The following CHID1 variants were observed in gnomAD, a reference collection of about 807,000 sequenced individuals.
CHID1 encodes chitinase domain containing 1, also known as chitinase domain-containing protein 1.
A neutral mutation model predicts 55.4 loss-of-function variants in CHID1; 44 were observed. The ratio of observed to expected loss-of-function variants is 0.79; its 90% CI spans 0.62 to 1.02. The LOEUF is 1.02. CHID1 is among the 50% of genes least tolerant of loss of function. The pLI is 0.00. For synonymous variants in CHID1, 216 were observed against 212.9 expected, an observed-to-expected ratio of 1.01 and a Z score of -0.13; for missense variants, 491 against 515.3, an observed-to-expected ratio of 0.95 and a Z score of 0.46.
intron 8 of CHID1, among the ~76,000 whole-genome samples, chr11:890,928 G>C (rs1029192988): frequency 6.6e-6 from 1 of 152,154 alleles, no homozygotes; most frequent in African/African-American, 2.4e-5. Flanking sequence ...TCTCTCCAGG[G>C]GCCATTGTTC....
At chr11:888,851 C>G (rs921207198) in intron 8 of CHID1, among the ~76,000 whole-genome samples, 1 of 151,886 alleles carries the variant, frequency 6.6e-6, no homozygotes, top group African/African-American at 2.4e-5. Context: ...CCTGCCCACT[C>G]GGCCTCGACT....
chr11:871,622 C>A (rs1648121164), intron 10 of CHID1, among the ~76,000 whole-genome samples: 1 of 16,746 alleles, frequency 6.0e-5, no homozygotes, highest in African/African-American at 2.0e-4. Flanking sequence ...AGGACAGTGC[C>A]CCCCACGTGC....
chr11:888,289 G>A (rs1427053265), intron 8 of CHID1, among the ~76,000 whole-genome samples: 1 of 152,182 alleles, frequency 6.6e-6, no homozygotes, highest in African/African-American at 2.4e-5. Flanking sequence ...GTGGGAGAAA[G>A]AGGGGAGGGC....
intron 2 of CHID1, 104 bp downstream of exon 2, chr11:904,602 C>A (rs939251957): frequency 7.2e-6 from 10 of 1,380,798 alleles, no homozygotes; most frequent in Non-Finnish European, 1.0e-5. Flanking sequence ...AGGAGCCAAG[C>A]CCCTCGAGCC....
At chr11:870,342 C>T (rs1849085356) in intron 11 of CHID1, 77 bp downstream of exon 11, 3 of 1,378,358 alleles carry the variant, frequency 2.2e-6, no homozygotes, top group African/African-American at 1.4e-5. Context: ...CTGGGCCCTG[C>T]TGCTCCCTCA....
chr11:910,611 C>A, intron 1 of CHID1, 164 bp downstream of exon 1: 1 of 1,251,940 alleles, frequency 8.0e-7, no homozygotes. Context: ...TCTCACACGC[C>A]CCCTCACACA....
chr11:881,788 G>A (rs1466842423), intron 10 of CHID1, among the ~76,000 whole-genome samples: 1 of 150,718 alleles, frequency 6.6e-6, no homozygotes, highest in Non-Finnish European at 1.5e-5. Flanking sequence ...GATCGCTTGA[G>A]CCTAGGAATT....
chr11:870,071 T>C, intron 12 of CHID1, 50 bp downstream of exon 12: 1 of 1,611,398 alleles, frequency 6.2e-7, no homozygotes, highest in Admixed American at 1.7e-5. Flanking sequence ...CCTGCTGTGC[T>C]GTCGCATGGC....
chr11:884,006 CCA>C (rs1850200310), intron 9 of CHID1, 60 bp downstream of exon 9: 13 of 1,325,056 alleles, frequency 9.8e-6, no homozygotes, highest in Non-Finnish European at 1.4e-5. Flanking sequence ...CCCCCCAGGT[CCA>C]CACTCACTGC....
intron 10 of CHID1, among the ~76,000 whole-genome samples, chr11:872,529 C>T (rs4074344): frequency 0.27 from 40,364 of 152,158 alleles, 5,731 homozygotes; most frequent in Middle Eastern, 0.38. Context: ...AAAAGGACTG[C>T]TGGACCCCTG....
intron 11 of CHID1, 74 bp from the exon 12 acceptor site, chr11:870,237 C>A: frequency 6.3e-7 from 1 of 1,586,440 alleles, no homozygotes; most frequent in East Asian, 2.2e-5. Flanking sequence ...CCAAGGTCCA[C>A]GGCCTGTACT....
rs774632698 is a variant in CHID1 at position 869,623 on chromosome 11, C to T, written c.*235G>A. On this transcript the variant is annotated 3_prime_UTR_variant, in exon 13 of 13. Transcript: ENST00000323578. ...GCCTGCCCAGCTGACAGGAGGCAGCCAGCGGATGCCCGGGTGGGAGGGGCT... is the reference window on the plus strand; with the variant it reads ...GCCTGCCCAGCTGACAGGAGGCAGCTAGCGGATGCCCGGGTGGGAGGGGCT... 2 of 584,422 alleles carry T rather than the reference C, an allele frequency of 3.4e-6. No individual in the cohort carries two copies. Among genetic ancestry groups the T allele is most frequent in the Non-Finnish European group, 6.1e-6 (2 of 327,762 alleles). 36.2% of individuals were successfully genotyped at this position (584,422 alleles called of 1,614,324 possible).
intron 8 of CHID1, among the ~76,000 whole-genome samples, chr11:886,410 G>T (rs1850402217): frequency 6.6e-6 from 1 of 152,084 alleles, no homozygotes; most frequent in African/African-American, 2.4e-5. Flanking sequence ...CGTGAGCCCT[G>T]ATCATGCCAC....
chr11:871,039 G>C (rs1039697555), intron 10 of CHID1, among the ~76,000 whole-genome samples: 15 of 150,876 alleles, frequency 9.9e-5, no homozygotes, highest in Non-Finnish European at 8.9e-5. Flanking sequence ...CGCCCAGGCT[G>C]GTGTACAGTC....
chr11:908,359 C>T (rs992856098), intron 1 of CHID1: 1 of 154,170 alleles, frequency 6.5e-6, no homozygotes, highest in African/African-American at 2.4e-5. Flanking sequence ...ATCAACCTCT[C>T]CAGCCCCTCT....
chr11:890,482 A>G (rs952500069), intron 8 of CHID1, among the ~76,000 whole-genome samples: 1 of 152,292 alleles, frequency 6.6e-6, no homozygotes, highest in Non-Finnish European at 1.5e-5. Flanking sequence ...AGAGTGGACC[A>G]CTGACAACAA....
At chr11:905,395 C>T (rs139321368) in intron 1 of CHID1, among the ~76,000 whole-genome samples, 8 of 152,318 alleles carry the variant, frequency 5.3e-5, no homozygotes, top group East Asian at 1.9e-4. Flanking sequence ...GGGCCGGGTG[C>T]GGTGGCTTAT....
At chr11:904,392 C>A (rs937376224) in intron 2 of CHID1, among the ~76,000 whole-genome samples, 1 of 152,196 alleles carries the variant, frequency 6.6e-6, no homozygotes, top group Non-Finnish European at 1.5e-5. Context: ...GATGAAGATG[C>A]AGGTGATATA....
intron 1 of CHID1, among the ~76,000 whole-genome samples, chr11:907,430 G>A (rs934261110): frequency 7.2e-5 from 11 of 151,850 alleles, no homozygotes; most frequent in Non-Finnish European, 1.0e-4. Context: ...GCAGTGAGCC[G>A]AGATAGTGCC....
Sources: gnomAD v4.1 joint callset for allele counts (sites outside exome capture counted in the v4.1 genomes callset) on GRCh38, gnomAD v4.1.1 for gene constraint, MANE v1.5 for transcripts, NCBI Gene and HGNC (gene_info 2026-07-23, HGNC 2026-07-21) for gene names.